Variants in PSMB5 observed in about 807,000 individuals in gnomAD.
PSMB5 encodes proteasome subunit beta type-5.
Under a neutral mutation model 22.8 loss-of-function variants are expected in PSMB5, and 2 were observed. That is an observed-to-expected ratio of 0.09 (90% confidence interval 0.04 to 0.28). The LOEUF (loss-of-function observed/expected upper bound fraction) is 0.28, where lower values mean the gene tolerates loss of function less well. PSMB5 is among the 10% of genes least tolerant of loss of function. PSMB5 has a pLI of 1.00. For missense variants in PSMB5, 269 were observed against 343.8 expected (o/e 0.78, Z 1.72); for synonymous variants, 133 against 135.3 (o/e 0.98, Z 0.12).
rs748037051 is a variant in PSMB5, at chr14:23,026,276, T to C, written c.605A>G (p.Tyr202Cys). 6.2e-7 allele frequency: 1 copy of C among 1,613,884 alleles called. No homozygotes were observed. The highest frequency in any genetic ancestry group is 8.5e-7 in the Non-Finnish European group (1 of 1,180,000). ...VYAYGVMDRG[Y>C]SYDLEVEQAY... Reference sequence around the variant, plus strand: ...CTGCTCCACTTCCAGGTCATAGGAATAGCCCCGATCCATGACCCCATATGC... The same window carrying C: ...CTGCTCCACTTCCAGGTCATAGGAACAGCCCCGATCCATGACCCCATATGC... The change falls in exon 3 of 3, where the codon TAT becomes TGT. Residue 202 changes from tyrosine (Y) to cysteine (C), a missense_variant. Tyr to Cys is a radical substitution (Grantham distance 194). Transcript: ENST00000361611.
At chr14:23,029,823 CCA>C (rs2139916403) in intron 2 of PSMB5, among the ~76,000 whole-genome samples, 1 of 151,894 alleles carries the variant, frequency 6.6e-6, no homozygotes, top group Non-Finnish European at 1.5e-5. Flanking sequence ...GCTCTGTTGC[CCA>C]GTCTGGAGTG....
chr14:23,030,467 C>T (rs909666902), intron 2 of PSMB5, among the ~76,000 whole-genome samples: 15 of 150,064 alleles, frequency 1.0e-4, no homozygotes, highest in East Asian at 2.0e-4. Flanking sequence ...CCAGCCTGGG[C>T]GACAGAGCGA....
At chr14:23,032,469 A>T (rs974001168) in intron 2 of PSMB5, among the ~76,000 whole-genome samples, 1 of 152,212 alleles carries the variant, frequency 6.6e-6, no homozygotes, top group Non-Finnish European at 1.5e-5. Flanking sequence ...AAAGAAAAAA[A>T]CAGAAGAGAA....
chr14:23,033,698 A>T (rs2046970387), intron 1 of PSMB5, 24 bp from the exon 2 acceptor site: 1 of 1,587,314 alleles, frequency 6.3e-7, no homozygotes, highest in Non-Finnish European at 8.6e-7. Context: ...AGGAAAACAC[A>T]AAACAGGCCA....
At position 23,026,131 on chromosome 14, in the gene PSMB5, A is replaced by G. The variant is rs1367315491; in HGVS notation, c.750T>C (p.Asn250=). Residue 250 remains asparagine (N), a synonymous_variant, in exon 3 of 3, where the codon AAT becomes AAC. Transcript: ENST00000361611. Reference sequence around the variant, plus strand: ...TATACTTCTCATGTAGATCAGCCACATTGTCACTGGAGACTCGGATCCAGC... The same window carrying G: ...TATACTTCTCATGTAGATCAGCCACGTTGTCACTGGAGACTCGGATCCAGC... ...EDGWIRVSSD[N]VADLHEKYSG... 2 of 1,614,094 alleles carry G rather than the reference A, an allele frequency of 1.2e-6. No individual in the cohort carries two copies. The highest frequency in any genetic ancestry group is 1.1e-5 in the South Asian group (1 of 91,080).
At chr14:23,034,467 C>G (rs1329486739) in intron 1 of PSMB5, 8 of 583,566 alleles carry the variant, frequency 1.4e-5, no homozygotes, top group Non-Finnish European at 2.4e-5. Flanking sequence ...CCTTCCTCCC[C>G]CGACTTACCC....
chr14:23,031,500 C>G (rs929502626), intron 2 of PSMB5, among the ~76,000 whole-genome samples: 1 of 152,048 alleles, frequency 6.6e-6, no homozygotes, highest in African/African-American at 2.4e-5. Flanking sequence ...TATAAGATAA[C>G]TAGGTATTTA....
At chr14:23,034,135 A>C (rs1183293998) in intron 1 of PSMB5, among the ~76,000 whole-genome samples, 2 of 152,114 alleles carry the variant, frequency 1.3e-5, no homozygotes, top group South Asian at 2.1e-4. Context: ...CAAAAAAAAA[A>C]AAAAAACAAA....
chr14:23,031,338 C>G (rs2046951296), intron 2 of PSMB5, among the ~76,000 whole-genome samples: 1 of 152,212 alleles, frequency 6.6e-6, no homozygotes, highest in Non-Finnish European at 1.5e-5. Flanking sequence ...AAAAGCATCT[C>G]AATTTCCAAA....
At position 23,034,475 on chromosome 14, in the gene PSMB5, C is replaced by T. The variant is rs1214381050; in HGVS notation, c.198+209G>A. The stretch of plus-strand genomic sequence containing the variant: ...GGCCTCACCTTCCTCCCCCGACTTA[C>T]CCCCGGCCCCACCGCCACCCTTTCC... On this transcript the variant is annotated intron_variant, in intron 1 of 2. Transcript: ENST00000361611. The T allele has an allele frequency of 1.0e-5, 6 of 594,488 alleles. No homozygotes were observed. The East Asian group carries it at 1.8e-4, about 18-fold the overall frequency. The allele number at this position is 594,488 out of a possible 1,614,324, so 36.8% of individuals were successfully genotyped here. A position where few individuals can be genotyped will look rare whatever the true frequency, so the allele number is the denominator to read the frequency against.
At chr14:23,027,407 TAATA>T (rs1243169166) in intron 2 of PSMB5, among the ~76,000 whole-genome samples, 2 of 141,446 alleles carry the variant, frequency 1.4e-5, no homozygotes, top group Non-Finnish European at 3.1e-5. Flanking sequence ...ATAATAATAA[TAATA>T]AATAAATAAA....
rs1193084169 is a variant in PSMB5, at chr14:23,027,438, T to A, written c.506-1063A>T. Among the ~76,000 whole-genome samples, 7 of 144,710 alleles carry A rather than the reference T, an allele frequency of 4.8e-5. No homozygotes were observed. In the East Asian group the frequency reaches 6.0e-4, roughly 12 times the overall value. The allele number at this position is 144,710 out of a possible 152,430, so 94.9% of individuals were successfully genotyped here. ...ATAAATAAAATAATATATATATATATAAAAGAGAAACCCAGGGAAGCCAAC... is the reference window on the plus strand; with the variant it reads ...ATAAATAAAATAATATATATATATAAAAAAGAGAAACCCAGGGAAGCCAAC... On this transcript the variant is annotated intron_variant, in intron 2 of 2. Transcript: ENST00000361611.
intron 2 of PSMB5, 61 bp from the exon 3 acceptor site, chr14:23,026,436 TC>T (rs1407860555): frequency 1.9e-6 from 3 of 1,564,602 alleles, no homozygotes; most frequent in Non-Finnish European, 2.6e-6. Flanking sequence ...GATATCTAAT[TC>T]ATATGCCAAG....
At position 23,026,030 on chromosome 14, in the gene PSMB5, T is replaced by C; in HGVS notation, c.*59A>G. On this transcript the variant is annotated 3_prime_UTR_variant, in exon 3 of 3. Coordinates refer to ENST00000361611, the MANE Select transcript of PSMB5 (RefSeq NM_002797.5). ...AAATAGGATGGAGGATGGGTCACTG[T>C]GTCCGTATTACCAATGACAGTCACC... is the stretch of plus-strand genomic sequence containing the variant. 6.3e-7 allele frequency: 1 copy of C among 1,588,556 alleles called. No individual in the cohort carries two copies.
intron 2 of PSMB5, among the ~76,000 whole-genome samples, chr14:23,027,322 G>A (rs551869618): frequency 1.3e-4 from 20 of 149,142 alleles, no homozygotes; most frequent in South Asian, 4.2e-4. Context: ...CGGAGCTTGC[G>A]GTGAGCCGAG....
At chr14:23,027,832 G>A in intron 2 of PSMB5, 1 of 1,542,494 alleles carries the variant, frequency 6.5e-7, no homozygotes, top group Non-Finnish European at 8.8e-7. Context: ...TTCAGACACT[G>A]TGAAAGATAA....
chr14:23,032,605 G>GTTT (rs143440181), intron 2 of PSMB5, among the ~76,000 whole-genome samples: 1 of 145,592 alleles, frequency 6.9e-6, no homozygotes, highest in African/African-American at 2.5e-5. Flanking sequence ...TCTTTTTTTT[G>GTTT]TTTTTTTTTT....
chr14:23,026,293 C>G lies in PSMB5; in HGVS notation c.588G>C (p.Gly196=), dbSNP rs57148615. The G allele has an allele frequency of 1.4e-5, 22 of 1,613,930 alleles. No homozygotes were observed. The East Asian group carries it at 4.9e-4, about 36-fold the overall frequency. Residue 196 remains glycine (G), a synonymous_variant, in exon 3 of 3, where the codon GGG becomes GGC. Coordinates refer to ENST00000361611, the MANE Select transcript of PSMB5 (RefSeq NM_002797.5). ...SVGSGSVYAY[G]VMDRGYSYDL... is the part of the protein sequence containing the mutation. ...CATAGGAATAGCCCCGATCCATGAC[C>G]CCATATGCATACACAGAGCCAGAAC...
chr14:23,032,121 C>T (rs2139919813), intron 2 of PSMB5, among the ~76,000 whole-genome samples: 1 of 152,134 alleles, frequency 6.6e-6, no homozygotes, highest in Admixed American at 6.6e-5. Context: ...GCCCAAAAGG[C>T]CCCTTCTAGG....
Sources: allele counts gnomAD v4.1 joint callset (sites outside exome capture counted in the v4.1 genomes callset), GRCh38; gene constraint gnomAD v4.1.1; transcripts MANE v1.5; gene names NCBI Gene and HGNC (gene_info 2026-07-23, HGNC 2026-07-21).